The following THADA variants were observed in gnomAD, a reference collection of about 807,000 sequenced individuals.
THADA encodes the protein THADA armadillo repeat containing, also known as tRNA (32-2'-O)-methyltransferase regulator THADA.
In THADA, 213 loss-of-function variants were observed where a neutral mutation model predicts 219.8. The observed-to-expected ratio is 0.97, with a 90% CI of 0.87 to 1.09. The LOEUF is 1.09. Among genes scored for constraint, THADA ranks in the 50% least tolerant of loss-of-function variants. The probability of loss-of-function intolerance (pLI) is 0.00; values close to 1 mark genes in which losing one functional copy is unlikely to be tolerated. For synonymous variants in THADA, 1,018 were observed against 828.9 expected (o/e 1.23, Z -3.92); for missense variants, 2,956 against 2,311.3 (o/e 1.28, Z -5.72).
intron 15 of THADA, chr2:43,563,272 T>C (rs993884516): frequency 2.6e-5 from 4 of 152,218 alleles, no homozygotes; most frequent in Admixed American, 6.5e-5. Context: ...CTCAAAATAT[T>C]TTCTAACTTC....
chr2:43,274,600 A>G (rs1274659281), intron 36 of THADA, among the ~76,000 whole-genome samples: 3 of 152,220 alleles, frequency 2.0e-5, no homozygotes, highest in African/African-American at 7.2e-5. Flanking sequence ...GCAGCGGCTC[A>G]GGGAATGGGG....
At chr2:43,573,132 A>C (rs1699484549) in intron 11 of THADA, 140 bp from the exon 12 acceptor site, 1 of 673,150 alleles carries the variant, frequency 1.5e-6, no homozygotes, top group Non-Finnish European at 2.3e-6. Context: ...AACACAAATT[A>C]AAGTTCCTAT....
rs367984894 is a variant in THADA, at chr2:43,344,221, T to C, written c.4244A>G (p.Gln1415Arg). 3.0e-4 allele frequency: 484 copies of C among 1,602,084 alleles called. 1 individual carries two copies. Among genetic ancestry groups the C allele is most frequent in the Non-Finnish European group, 3.7e-4 (434 of 1,175,896 alleles). ...TCCGTGTTTGGAGTCTGAGTAGGCT[T>C]GCAACAAATGAAAAACCTAAACCAA... is the stretch of plus-strand genomic sequence containing the variant. ...GTLLQVFHLL[Q>R]AYSDSKHGTN... Residue 1415 changes from glutamine (Q) to arginine (R), a missense_variant, in exon 30 of 38, where the codon CAA becomes CGA. Gln to Arg is a conservative substitution (Grantham distance 43). Coordinates refer to ENST00000405975, the MANE Select transcript of THADA (RefSeq NM_022065.5).
intron 15 of THADA, among the ~76,000 whole-genome samples, chr2:43,561,430 T>C (rs1698052237): frequency 6.6e-6 from 1 of 152,250 alleles, no homozygotes; most frequent in African/African-American, 2.4e-5. Context: ...TCCCAAAGAA[T>C]GATGGTAATC....
At chr2:43,515,686 A>G (rs1691638897) in intron 22 of THADA, among the ~76,000 whole-genome samples, 1 of 151,908 alleles carries the variant, frequency 6.6e-6, no homozygotes, top group African/African-American at 2.4e-5. Context: ...CTCACTGGCA[A>G]TAACAAAAGC....
intron 20 of THADA, among the ~76,000 whole-genome samples, chr2:43,547,646 A>C (rs1696204660): frequency 6.6e-6 from 1 of 152,098 alleles, no homozygotes; most frequent in East Asian, 1.9e-4. Context: ...CCTTTCTTCC[A>C]GTGGATTGCA....
At chr2:43,331,918 T>TACACACAC (rs141276481) in intron 30 of THADA, among the ~76,000 whole-genome samples, 72 of 142,836 alleles carry the variant, frequency 5.0e-4, no homozygotes, top group East Asian at 6.0e-4. Context: ...ATATATCTAA[T>TACACACAC]ACACACACAC....
chr2:43,284,112 G>C (rs1356451453), intron 35 of THADA, among the ~76,000 whole-genome samples: 1 of 152,216 alleles, frequency 6.6e-6, no homozygotes, highest in Non-Finnish European at 1.5e-5. Flanking sequence ...CCAGGAAGTA[G>C]AGGTTGCAGT....
At chr2:43,293,491 G>T (rs1256268262) in intron 31 of THADA, among the ~76,000 whole-genome samples, 1 of 151,922 alleles carries the variant, frequency 6.6e-6, no homozygotes, top group Non-Finnish European at 1.5e-5. Context: ...CAATAAATAC[G>T]AACTCAGTGA....
At chr2:43,337,235 T>C (rs1321824326) in intron 30 of THADA, among the ~76,000 whole-genome samples, 1 of 152,060 alleles carries the variant, frequency 6.6e-6, no homozygotes, top group East Asian at 1.9e-4. Context: ...CAAAACAAAA[T>C]GCTAACGCAG....
chr2:43,380,557 A>G (rs1671888239), intron 29 of THADA, among the ~76,000 whole-genome samples: 1 of 152,232 alleles, frequency 6.6e-6, no homozygotes, highest in African/African-American at 2.4e-5. Context: ...CAGTTGCAGA[A>G]GGACAGAAAC....
At chr2:43,287,779 C>T (rs1298199318) in intron 34 of THADA, among the ~76,000 whole-genome samples, 1 of 152,182 alleles carries the variant, frequency 6.6e-6, no homozygotes. Context: ...GGGCACCCAG[C>T]TAGAGACTAC....
intron 29 of THADA, among the ~76,000 whole-genome samples, chr2:43,356,415 G>A (rs1195515771): frequency 6.6e-6 from 1 of 152,000 alleles, no homozygotes; most frequent in Non-Finnish European, 1.5e-5. Context: ...CCATGAATAG[G>A]GGAAAATAAG....
chr2:43,558,278 A>G (rs1330534914), intron 16 of THADA, among the ~76,000 whole-genome samples: 1 of 152,162 alleles, frequency 6.6e-6, no homozygotes, highest in African/African-American at 2.4e-5. Flanking sequence ...TCAGGTTAGC[A>G]TTCAAAAACT....
intron 22 of THADA, among the ~76,000 whole-genome samples, chr2:43,518,996 T>G (rs1692081419): frequency 6.6e-6 from 1 of 151,962 alleles, no homozygotes; most frequent in Non-Finnish European, 1.5e-5. Context: ...TCAGCATGTT[T>G]AAAGCATTAT....
chr2:43,493,015 G>A (rs1207203254), intron 25 of THADA, among the ~76,000 whole-genome samples: 1 of 152,210 alleles, frequency 6.6e-6, no homozygotes, highest in African/African-American at 2.4e-5. Context: ...TCTCAGTGTA[G>A]CACCCTTGTG....
At chr2:43,314,723 C>A (rs1257258498) in intron 31 of THADA, among the ~76,000 whole-genome samples, 5 of 152,182 alleles carry the variant, frequency 3.3e-5, no homozygotes, top group Admixed American at 6.5e-5. Context: ...CCCTCAACTA[C>A]AACTGGACAC....
rs33979934 is a variant in THADA at position 43,398,045 on chromosome 2, T to A, written c.4153A>T (p.Thr1385Ser). 0.26 allele frequency: 417,227 copies of A among 1,613,328 alleles called. 56,378 individuals are homozygous for A. The highest frequency in any genetic ancestry group is 0.34 in the South Asian group (30,586 of 91,042). Residue 1385 changes from threonine (T) to serine (S), a missense_variant, in exon 29 of 38, where the codon ACT (threonine) becomes TCT (serine). Physicochemically the swap from Thr to Ser is moderately conservative, Grantham distance 58 (BLOSUM62 1). Transcript: ENST00000405975. ...CAGCTGGGGAGTGTGGACAACAGAGTTCGAATGGTATTAGGAATGTGATCT... is the reference window on the plus strand; with the variant it reads ...CAGCTGGGGAGTGTGGACAACAGAGATCGAATGGTATTAGGAATGTGATCT... The part of the protein sequence containing the change: ...MIDHIPNTIR[T>S]LLSTLPSCTD...
chr2:43,485,122 T>G, intron 26 of THADA, 112 bp downstream of exon 26: 1 of 758,654 alleles, frequency 1.3e-6, no homozygotes, highest in Non-Finnish European at 2.1e-6. Flanking sequence ...ATTTTTATAG[T>G]TTTATGCTCT....
Sources: allele counts gnomAD v4.1 joint callset (sites outside exome capture counted in the v4.1 genomes callset), GRCh38; gene constraint gnomAD v4.1.1; transcripts MANE v1.5; gene names NCBI Gene and HGNC (gene_info 2026-07-23, HGNC 2026-07-21).